The following KSR2 variants were observed in gnomAD, a reference collection of about 807,000 sequenced individuals.
KSR2 encodes kinase suppressor of ras 2.
In KSR2, 25 loss-of-function variants were observed where a neutral mutation model predicts 107.8. The ratio of observed to expected loss-of-function variants is 0.23; its 90% CI spans 0.17 to 0.32. The LOEUF (loss-of-function observed/expected upper bound fraction) is 0.32, where lower values mean the gene tolerates loss of function less well. Among genes scored for constraint, KSR2 ranks in the 10% least tolerant of loss-of-function variants. KSR2 has a pLI of 1.00. For synonymous variants in KSR2, 480 were observed against 507.0 expected, an observed-to-expected ratio of 0.95 and a Z score of 0.71; for missense variants, 887 against 1,268.9, an observed-to-expected ratio of 0.70 and a Z score of 4.57.
intron 4 of KSR2, among the ~76,000 whole-genome samples, chr12:117,681,088 G>A (rs751486983): frequency 1.3e-5 from 2 of 152,256 alleles, no homozygotes; most frequent in Non-Finnish European, 2.9e-5. Context: ...TGGGTAAGAT[G>A]ATGAAACCCT....
intron 4 of KSR2, among the ~76,000 whole-genome samples, chr12:117,673,480 G>A (rs1187296886): frequency 6.6e-6 from 1 of 152,122 alleles, no homozygotes; most frequent in African/African-American, 2.4e-5. Context: ...GGATGGAAAA[G>A]GGAAGAATGG....
chr12:117,454,842 C>T lies in KSR2; in HGVS notation c.*12357G>A, dbSNP rs1382708101. On this transcript the variant is annotated 3_prime_UTR_variant, in exon 20 of 20. Transcript: ENST00000339824. ...CATCAGAGACACAGGTCGCAAGAGT[C>T]GATAGAGGGAAAGTGAAGCAAAAGA... The T allele has an allele frequency of 1.3e-5, 2 of 150,652 alleles. No homozygotes were observed. Among genetic ancestry groups the T allele is most frequent in the Non-Finnish European group, 2.9e-5 (2 of 67,884 alleles). 9.3% of individuals were successfully genotyped at this position (150,652 alleles called of 1,614,324 possible).
chr12:117,962,449 GT>G (rs71099094), intron 1 of KSR2, among the ~76,000 whole-genome samples: 54,182 of 142,974 alleles, frequency 0.38, 10,213 homozygotes, highest in East Asian at 0.48. Context: ...TGTTTTTTGG[GT>G]TTTTTTTTTT....
At chr12:117,853,466 C>T (rs1265419350) in intron 3 of KSR2, among the ~76,000 whole-genome samples, 1 of 152,086 alleles carries the variant, frequency 6.6e-6, no homozygotes, top group Non-Finnish European at 1.5e-5. Context: ...CTTCAGCCTC[C>T]CAAGTAGCTA....
At chr12:117,821,040 C>A (rs1375615341) in intron 3 of KSR2, among the ~76,000 whole-genome samples, 2 of 152,148 alleles carry the variant, frequency 1.3e-5, no homozygotes, top group African/African-American at 4.8e-5. Flanking sequence ...AGACTCTGGG[C>A]AAATGACAGC....
At chr12:117,581,755 C>G (rs764411151) in intron 6 of KSR2, among the ~76,000 whole-genome samples, 1 of 152,200 alleles carries the variant, frequency 6.6e-6, no homozygotes, top group African/African-American at 2.4e-5. Flanking sequence ...CCCAGCAGGG[C>G]TAGAGCTCTG....
At chr12:117,712,115 T>A (rs376987634) in intron 4 of KSR2, among the ~76,000 whole-genome samples, 153 of 152,298 alleles carry the variant, frequency 1.0e-3, no homozygotes, top group African/African-American at 3.6e-3. Context: ...ATGTTAGCAA[T>A]GACCAGGCTT....
At position 117,634,148 on chromosome 12, in the gene KSR2, G is replaced by C. The variant is rs571876420; in HGVS notation, c.1171+33326C>G. On this transcript the variant is annotated intron_variant, in intron 5 of 19. Coordinates refer to ENST00000339824, the MANE Select transcript of KSR2 (RefSeq NM_173598.6). ...GAATGGCAGTTCAGTTTCTATCCAA[G>C]AGTCAGCAACCAAGGTCCAGCCTTG... Among the ~76,000 whole-genome samples, 3 of 152,196 alleles carry C rather than the reference G, an allele frequency of 2.0e-5. No individual in the cohort carries two copies. In the East Asian group the frequency reaches 5.8e-4, roughly 29 times the overall value.
At chr12:117,962,673 G>A (rs1414018548) in intron 1 of KSR2, among the ~76,000 whole-genome samples, 3 of 141,746 alleles carry the variant, frequency 2.1e-5, no homozygotes, top group African/African-American at 7.9e-5. Context: ...TCAAACTCCT[G>A]ACCTCAAGTG....
intron 5 of KSR2, among the ~76,000 whole-genome samples, chr12:117,639,415 C>T (rs1377911294): frequency 4.6e-5 from 7 of 151,126 alleles, no homozygotes; most frequent in Middle Eastern, 3.2e-3. Context: ...CTGCAAACTC[C>T]GTCTCCCAGG....
intron 1 of KSR2, among the ~76,000 whole-genome samples, chr12:117,965,207 G>A (rs74378029): frequency 0.013 from 2,020 of 152,272 alleles, 43 homozygotes; most frequent in African/African-American, 0.047. Flanking sequence ...AGATGTAATC[G>A]CTGAAGCTGC....
intron 14 of KSR2, among the ~76,000 whole-genome samples, chr12:117,508,072 C>A (rs1356628077): frequency 2.0e-5 from 3 of 152,180 alleles, no homozygotes; most frequent in South Asian, 4.1e-4. Context: ...AGGAAACCTG[C>A]AGGAAAAGAC....
At chr12:117,600,359 T>C (rs1880870555) in intron 5 of KSR2, among the ~76,000 whole-genome samples, 2 of 152,174 alleles carry the variant, frequency 1.3e-5, no homozygotes, top group African/African-American at 2.4e-5. Flanking sequence ...GCCTGATGGA[T>C]GGGTGCAGAG....
At chr12:117,774,278 G>A (rs372283181) in intron 3 of KSR2, among the ~76,000 whole-genome samples, 7 of 152,260 alleles carry the variant, frequency 4.6e-5, no homozygotes, top group African/African-American at 1.7e-4. Context: ...TTTGAGTTTC[G>A]AGTTTGTCAT....
intron 4 of KSR2, among the ~76,000 whole-genome samples, chr12:117,760,147 T>C (rs554167593): frequency 1.3e-5 from 2 of 152,336 alleles, no homozygotes; most frequent in Middle Eastern, 6.8e-3. Flanking sequence ...CTGAATAATA[T>C]TGCATTGTAT....
chr12:117,775,004 T>TTGTTA (rs1422173385), intron 3 of KSR2, among the ~76,000 whole-genome samples: 4 of 152,246 alleles, frequency 2.6e-5, no homozygotes, highest in Admixed American at 6.5e-5. Context: ...CTTTCCTTTC[T>TTGTTA]TGTTATGGCT....
At chr12:117,529,374 CCTGA>C (rs1565885920) in intron 12 of KSR2, among the ~76,000 whole-genome samples, 1 of 152,112 alleles carries the variant, frequency 6.6e-6, no homozygotes, top group Non-Finnish European at 1.5e-5. Flanking sequence ...TGCCACCACG[CCTGA>C]CTAATGTTTG....
At chr12:117,603,534 C>T (rs928867959) in intron 5 of KSR2, among the ~76,000 whole-genome samples, 5 of 152,164 alleles carry the variant, frequency 3.3e-5, no homozygotes, top group Non-Finnish European at 7.3e-5. Context: ...TCTTTTGGCT[C>T]TAAATCCGTT....
At chr12:117,501,442 C>T (rs931020750) in intron 14 of KSR2, among the ~76,000 whole-genome samples, 33 of 152,156 alleles carry the variant, frequency 2.2e-4, no homozygotes, top group Admixed American at 5.9e-4. Flanking sequence ...CATTGGGGTG[C>T]GGTTAAGGTC....
Sources: allele counts gnomAD v4.1 joint callset (sites outside exome capture counted in the v4.1 genomes callset), GRCh38; gene constraint gnomAD v4.1.1; transcripts MANE v1.5; gene names NCBI Gene and HGNC (gene_info 2026-07-23, HGNC 2026-07-21).